The following PIP4K2B variants were observed in gnomAD, a reference collection of about 807,000 sequenced individuals.
The protein encoded by PIP4K2B is phosphatidylinositol 5-phosphate 4-kinase type-2 beta.
Under a neutral mutation model 42.0 loss-of-function variants are expected in PIP4K2B, and 3 were observed. The ratio of observed to expected loss-of-function variants is 0.07; its 90% CI spans 0.03 to 0.18. PIP4K2B has a LOEUF of 0.18. Among genes scored for constraint, PIP4K2B ranks in the 10% least tolerant of loss-of-function variants. PIP4K2B has a pLI of 1.00. For synonymous variants in PIP4K2B, 204 were observed against 210.1 expected (o/e 0.97, Z 0.25); for missense variants, 332 against 562.3 (o/e 0.59, Z 4.14).
intron 9 of PIP4K2B, among the ~76,000 whole-genome samples, chr17:38,770,150 C>T (rs1272740783): frequency 6.6e-6 from 1 of 152,198 alleles, no homozygotes; most frequent in Non-Finnish European, 1.5e-5. Context: ...ACAAGATGCA[C>T]AACAGGCCCA....
In PIP4K2B at chr17:38,775,981, T is replaced by C. The variant is rs547445037; in HGVS notation, c.807+1706A>G. ...AAAAGGACAACTGCTGTTTGCTTCC[T>C]TTTTTTTTTTTTATTTTTTGAGATG... On this transcript the variant is annotated intron_variant, in intron 7 of 9. Coordinates refer to ENST00000619039, the MANE Select transcript of PIP4K2B (RefSeq NM_003559.5). The C allele has an allele frequency of 8.6e-4, 150 of 174,652 alleles. No individual in the cohort carries two copies. The South Asian group carries it at 0.013, about 15-fold the overall frequency. The allele number at this position is 174,652 out of a possible 1,614,324, so 10.8% of individuals were successfully genotyped here.
At chr17:38,775,143 C>A (rs1005258840) in intron 7 of PIP4K2B, among the ~76,000 whole-genome samples, 2 of 152,018 alleles carry the variant, frequency 1.3e-5, no homozygotes, top group Admixed American at 6.6e-5. Flanking sequence ...TTAGTAGAGA[C>A]GGGGTTTCAC....
At chr17:38,770,881 TG>T in intron 8 of PIP4K2B, 132 bp downstream of exon 8, 2 of 1,012,542 alleles carry the variant, frequency 2.0e-6, no homozygotes, top group Non-Finnish European at 1.5e-6. Flanking sequence ...GATGGGAATC[TG>T]GAGGCAGAAA....
chr17:38,786,534 G>A (rs2143435416), intron 2 of PIP4K2B, among the ~76,000 whole-genome samples: 1 of 152,344 alleles, frequency 6.6e-6, no homozygotes, highest in South Asian at 2.1e-4. Flanking sequence ...CAGCTCCAGA[G>A]CAGCTCACTG....
chr17:38,774,258 C>T (rs1004298505), intron 7 of PIP4K2B, among the ~76,000 whole-genome samples: 1 of 152,152 alleles, frequency 6.6e-6, no homozygotes, highest in Non-Finnish European at 1.5e-5. Context: ...CTGAGTAAAG[C>T]AGATGGCCCT....
intron 1 of PIP4K2B, among the ~76,000 whole-genome samples, chr17:38,788,741 A>C (rs181228691): frequency 4.6e-5 from 7 of 152,208 alleles, no homozygotes; most frequent in Non-Finnish European, 7.4e-5. Flanking sequence ...ACCTGAGGTA[A>C]GGAGTTCAAG....
Position 38,777,803 on chromosome 17 carries a change from A to T in PIP4K2B, c.694-3T>A, listed in dbSNP as rs1909447144. On this transcript the variant is annotated splice_region_variant and splice_polypyrimidine_tract_variant and intron_variant, in intron 6 of 9. Coordinates refer to ENST00000619039, the MANE Select transcript of PIP4K2B (RefSeq NM_003559.5). ...TTGAATGTTGGCAAGTCCTTGGCCT[A>T]GGAGAGCAACAGCAGTTAGGCTGGG... 1 of 1,607,832 alleles carries T rather than the reference A, an allele frequency of 6.2e-7. No individual in the cohort carries two copies. The highest frequency in any genetic ancestry group is 8.5e-7 in the Non-Finnish European group (1 of 1,174,354).
chr17:38,771,890 C>CA (rs1567652304), intron 7 of PIP4K2B, among the ~76,000 whole-genome samples: 1 of 152,080 alleles, frequency 6.6e-6, no homozygotes, highest in Non-Finnish European at 1.5e-5. Context: ...ATTGGCTGGG[C>CA]GTGGCAGTGC....
intron 1 of PIP4K2B, among the ~76,000 whole-genome samples, chr17:38,791,821 G>A (rs1910357326): frequency 6.7e-6 from 1 of 148,322 alleles, no homozygotes; most frequent in Non-Finnish European, 1.5e-5. Context: ...TGGGCGTAGT[G>A]GCTCACGCCT....
At chr17:38,777,182 G>A (rs964048808) in intron 7 of PIP4K2B, among the ~76,000 whole-genome samples, 1 of 152,138 alleles carries the variant, frequency 6.6e-6, no homozygotes, top group African/African-American at 2.4e-5. Flanking sequence ...TTTCGCCTCA[G>A]CCTCCCAAGT....
At chr17:38,784,092 T>A in intron 3 of PIP4K2B, 151 bp downstream of exon 3, 2 of 579,852 alleles carry the variant, frequency 3.4e-6, no homozygotes, top group Non-Finnish European at 3.1e-6. Flanking sequence ...GGGCCCCCAG[T>A]GCTGGGGGAG....
chr17:38,779,668 G>A lies in PIP4K2B; in HGVS notation c.508-139C>T, dbSNP rs922204237. On this transcript the variant is annotated intron_variant, in intron 4 of 9. Transcript: ENST00000619039. ...CAGTAGTTCTCCAGCTGGGTTCTAT[G>A]AAGTAATAGGGGTTTCTCAGGCTTA... 7.2e-6 allele frequency: 5 copies of A among 696,526 alleles called. No individual in the cohort carries two copies. In the African/African-American group the frequency reaches 8.9e-5, roughly 12 times the overall value. The allele number at this position is 696,526 out of a possible 1,614,324, so 43.1% of individuals were successfully genotyped here. A position where few individuals can be genotyped will look rare whatever the true frequency, so the allele number is the denominator to read the frequency against.
rs1908810418 is a variant in PIP4K2B, at chr17:38,768,271, G to A, written c.*1420C>T. ...AACAGAGCTGTTTCTCTCCTGGCCA[G>A]AGCAGCCTGTGGCTCAGTTCTGAGG... is the stretch of plus-strand genomic sequence containing the variant. On this transcript the variant is annotated 3_prime_UTR_variant, in exon 10 of 10. Transcript: ENST00000619039. 1 of 152,342 alleles carries A rather than the reference G, an allele frequency of 6.6e-6. No homozygotes were observed. The highest frequency in any genetic ancestry group is 2.4e-5 in the African/African-American group (1 of 41,472). 9.4% of individuals were successfully genotyped at this position (152,342 alleles called of 1,614,324 possible).
At chr17:38,787,151 C>T (rs768256851) in intron 1 of PIP4K2B, among the ~76,000 whole-genome samples, 3 of 152,026 alleles carry the variant, frequency 2.0e-5, no homozygotes, top group Non-Finnish European at 4.4e-5. Flanking sequence ...TCTGCCCACA[C>T]CAGCCCCCCA....
At chr17:38,786,334 C>T (rs1469549091) in intron 2 of PIP4K2B, among the ~76,000 whole-genome samples, 2 of 152,174 alleles carry the variant, frequency 1.3e-5, no homozygotes, top group East Asian at 1.9e-4. Context: ...ATCCAAGAAG[C>T]GACAGCAGAC....
intron 1 of PIP4K2B, among the ~76,000 whole-genome samples, chr17:38,788,914 C>G (rs1910190820): frequency 6.6e-6 from 1 of 150,838 alleles, no homozygotes; most frequent in Non-Finnish European, 1.5e-5. Flanking sequence ...GATCGCGCCA[C>G]TGCCTGGGCA....
chr17:38,799,254 G>T lies in PIP4K2B; in HGVS notation c.159+12C>A. The T allele has an allele frequency of 6.3e-7, 1 of 1,582,698 alleles. No homozygotes were observed. Among genetic ancestry groups the T allele is most frequent in the Non-Finnish European group, 8.6e-7 (1 of 1,166,876 alleles). The stretch of plus-strand genomic sequence containing the variant: ...GGGGCCGCGCTCAGAGGGGCGCGCA[G>T]GAGCTGGTTACCGTGTGGTTCACCC... On this transcript the variant is annotated intron_variant, in intron 1 of 9. Coordinates refer to ENST00000619039, the MANE Select transcript of PIP4K2B (RefSeq NM_003559.5). This position sits in a 1 kb window ranked among gnomAD's most constrained non-coding sequence, Gnocchi z 4.4.
Position 38,799,240 on chromosome 17 carries a change from C to A in PIP4K2B, c.159+26G>T. The A allele has an allele frequency of 1.3e-6, 2 of 1,569,172 alleles. No individual in the cohort carries two copies. Among genetic ancestry groups the A allele is most frequent in the Non-Finnish European group, 1.7e-6 (2 of 1,161,306 alleles). ...GCGTGGGAGCGCGCGGGGCCGCGCTCAGAGGGGCGCGCAGGAGCTGGTTAC... is the reference window on the plus strand; with the variant it reads ...GCGTGGGAGCGCGCGGGGCCGCGCTAAGAGGGGCGCGCAGGAGCTGGTTAC... On this transcript the variant is annotated intron_variant, in intron 1 of 9. Transcript: ENST00000619039. This position sits in a 1 kb window ranked among gnomAD's most constrained non-coding sequence, Gnocchi z 4.4.
At chr17:38,776,083 G>A (rs60180215) in intron 7 of PIP4K2B, 9 of 436,714 alleles carry the variant, frequency 2.1e-5, no homozygotes, top group Non-Finnish European at 4.1e-5. Context: ...CGATTCTCTT[G>A]CCTCAGCCTC....
Sources: allele counts gnomAD v4.1 joint callset (sites outside exome capture counted in the v4.1 genomes callset), GRCh38; gene constraint gnomAD v4.1.1; non-coding constraint Gnocchi (gnomAD v3.1); transcripts MANE v1.5; gene names NCBI Gene and HGNC (gene_info 2026-07-23, HGNC 2026-07-21).